The following KCNQ1 variants were observed in gnomAD, a reference collection of about 807,000 sequenced individuals.
The protein encoded by KCNQ1 is potassium voltage-gated channel subfamily Q member 1, also known as potassium voltage-gated channel subfamily KQT member 1.
In KCNQ1, 49 loss-of-function variants were observed where a neutral mutation model predicts 72.4. The ratio of observed to expected loss-of-function variants is 0.68; its 90% CI spans 0.54 to 0.86. The LOEUF (loss-of-function observed/expected upper bound fraction) is 0.86. KCNQ1 is among the 40% of genes least tolerant of loss of function. The pLI is 0.00. For synonymous variants in KCNQ1, 450 were observed against 412.6 expected (o/e 1.09, Z -1.10); for missense variants, 790 against 945.1 (o/e 0.84, Z 2.15).
chr11:2,685,374 G>T, intron 11 of KCNQ1: 1 of 398,686 alleles, frequency 2.5e-6, no homozygotes, highest in Non-Finnish European at 4.4e-6. Context: ...TCTCTGCCTG[G>T]TACATGGGCA....
At position 2,647,463 on chromosome 11, in the gene KCNQ1, G is replaced by T. The variant is rs1849684100; in HGVS notation, c.1394-14498G>T. The T allele has an allele frequency of 2.5e-6, 1 of 398,342 alleles. No homozygotes were observed. 24.7% of individuals were successfully genotyped at this position (398,342 alleles called of 1,614,324 possible). A position where few individuals can be genotyped will look rare whatever the true frequency, so the allele number is the denominator to read the frequency against. Reference sequence around the variant, plus strand: ...AGATTGGCCTGTAGTTTTCTTTTTTGCTGTTATTGTGTCCTTATCTGGTTT... The same window carrying T: ...AGATTGGCCTGTAGTTTTCTTTTTTTCTGTTATTGTGTCCTTATCTGGTTT... On this transcript the variant is annotated intron_variant, in intron 10 of 15. Coordinates refer to ENST00000155840, the MANE Select transcript of KCNQ1 (RefSeq NM_000218.3). This position sits in a 1 kb window ranked among gnomAD's most constrained non-coding sequence, Gnocchi z 4.0.
chr11:2,647,993 C>T lies in KCNQ1; in HGVS notation c.1394-13968C>T, dbSNP rs764962536. The stretch of plus-strand genomic sequence containing the variant: ...CTTTGGAAGGCCAAGGCAGGCCGAT[C>T]GCTTGAGTCCAGGAGTTTGAGACCA... On this transcript the variant is annotated intron_variant, in intron 10 of 15. Coordinates refer to ENST00000155840, the MANE Select transcript of KCNQ1 (RefSeq NM_000218.3). The surrounding 1 kb of genome is among the most constrained non-coding windows in gnomAD (Gnocchi z 4.0). The T allele has an allele frequency of 4.5e-5, 18 of 397,066 alleles. No homozygotes were observed. The highest frequency in any genetic ancestry group is 1.8e-4 in the East Asian group (5 of 28,024). The allele number at this position is 397,066 out of a possible 1,614,324, so 24.6% of individuals were successfully genotyped here.
At position 2,611,785 on chromosome 11, in the gene KCNQ1, C is replaced by A; in HGVS notation, c.1393+22931C>A. 2.5e-6 allele frequency: 1 copy of A among 398,318 alleles called. No homozygotes were observed. Among genetic ancestry groups the A allele is most frequent in the South Asian group, 1.3e-4 (1 of 7,810 alleles). The allele number at this position is 398,318 out of a possible 1,614,324, so 24.7% of individuals were successfully genotyped here. ...CTATATGTCTCATATCACTTTTGTTCCTCTCTTCCTCCTTTACTGCCTTCT... is the reference window on the plus strand; with the variant it reads ...CTATATGTCTCATATCACTTTTGTTACTCTCTTCCTCCTTTACTGCCTTCT... On this transcript the variant is annotated intron_variant, in intron 10 of 15. Coordinates refer to ENST00000155840, the MANE Select transcript of KCNQ1 (RefSeq NM_000218.3). The surrounding 1 kb of genome is among the most constrained non-coding windows in gnomAD (Gnocchi z 5.3).
Position 2,478,112 on chromosome 11 carries a change from G to A in KCNQ1, c.386+32628G>A, listed in dbSNP as rs576271161. On this transcript the variant is annotated intron_variant, in intron 1 of 15. Transcript: ENST00000155840. The surrounding 1 kb of genome is among the most constrained non-coding windows in gnomAD (Gnocchi z 4.0). ...CACCACCCTCCGGATGGACAGCCTCGGTAGCAGAACTCCTGCCAAAGACAC... is the reference window on the plus strand; with the variant it reads ...CACCACCCTCCGGATGGACAGCCTCAGTAGCAGAACTCCTGCCAAAGACAC... 9.2e-5 allele frequency among the ~76,000 whole-genome samples: 14 copies of A among 151,958 alleles called. No individual in the cohort carries two copies. Among genetic ancestry groups the A allele is most frequent in the East Asian group, 5.9e-4 (3 of 5,128 alleles).
chr11:2,731,632 G>A (rs1845860140), intron 11 of KCNQ1, among the ~76,000 whole-genome samples: 1 of 152,248 alleles, frequency 6.6e-6, no homozygotes, highest in Non-Finnish European at 1.5e-5. Context: ...GGGACCCTGT[G>A]GTCATGGAGA....
At position 2,456,363 on chromosome 11, in the gene KCNQ1, T is replaced by C. The variant is rs189910137; in HGVS notation, c.386+10879T>C. Among the ~76,000 whole-genome samples, 9 of 152,018 alleles carry C rather than the reference T, an allele frequency of 5.9e-5. No individual in the cohort carries two copies. In the East Asian group the frequency reaches 1.7e-3, roughly 29 times the overall value. On this transcript the variant is annotated intron_variant, in intron 1 of 15. Transcript: ENST00000155840. The stretch of plus-strand genomic sequence containing the variant: ...ATTAGATTACAAACTGAAAAAATCC[T>C]GGAAGAAAATAGTCTTCTCAATATT...
intron 10 of KCNQ1, chr11:2,618,675 A>G (rs1285827758): frequency 2.5e-6 from 1 of 398,562 alleles, no homozygotes; most frequent in Non-Finnish European, 4.4e-6. Flanking sequence ...TTCGTTGGCT[A>G]CTTAAGGTTC....
At chr11:2,630,898 A>T in intron 10 of KCNQ1, 1 of 398,550 alleles carries the variant, frequency 2.5e-6, no homozygotes, top group East Asian at 3.6e-5. Flanking sequence ...CTTTGAATAT[A>T]TAATCCTATT....
In KCNQ1 at chr11:2,592,871, G is replaced by A. The variant is rs1848688533; in HGVS notation, c.1393+4017G>A. Among the ~76,000 whole-genome samples, 1 of 152,184 alleles carries A rather than the reference G, an allele frequency of 6.6e-6. No homozygotes were observed. Among genetic ancestry groups the A allele is most frequent in the South Asian group, 2.1e-4 (1 of 4,834 alleles). Reference sequence around the variant, plus strand: ...CACATCTGCAGGTCAGAAGAGGCCTGGGCTGGAGCCGCATACTGGCCATGC... The same window carrying A: ...CACATCTGCAGGTCAGAAGAGGCCTAGGCTGGAGCCGCATACTGGCCATGC... On this transcript the variant is annotated intron_variant, in intron 10 of 15. Coordinates refer to ENST00000155840, the MANE Select transcript of KCNQ1 (RefSeq NM_000218.3). This position sits in a 1 kb window ranked among gnomAD's most constrained non-coding sequence, Gnocchi z 5.2.
In KCNQ1 at chr11:2,725,570, G is replaced by T. The variant is rs1161839043; in HGVS notation, c.1515-43274G>T. Among the ~76,000 whole-genome samples, 5 of 152,204 alleles carry T rather than the reference G, an allele frequency of 3.3e-5. No homozygotes were observed. Among genetic ancestry groups the T allele is most frequent in the Non-Finnish European group, 7.3e-5 (5 of 68,032 alleles). On this transcript the variant is annotated intron_variant, in intron 11 of 15. Transcript: ENST00000155840. The surrounding 1 kb of genome is among the most constrained non-coding windows in gnomAD (Gnocchi z 7.2). ...CACGTGAAGTCGCCAAGTTCAAAGG[G>T]CTGCCCCTGGAACCCAAGTCAGACT... is the stretch of plus-strand genomic sequence containing the variant.
intron 1 of KCNQ1, among the ~76,000 whole-genome samples, chr11:2,506,747 T>C (rs187488111): frequency 8.6e-4 from 131 of 152,398 alleles, no homozygotes; most frequent in African/African-American, 3.0e-3. Flanking sequence ...TTTCTACAGT[T>C]GCGCCAGCAG....
rs1407236265 is a variant in KCNQ1 at position 2,679,878 on chromosome 11, C to T, written c.1514+17797C>T. On this transcript the variant is annotated intron_variant, in intron 11 of 15. Coordinates refer to ENST00000155840, the MANE Select transcript of KCNQ1 (RefSeq NM_000218.3). The surrounding 1 kb of genome is among the most constrained non-coding windows in gnomAD (Gnocchi z 4.8). ...TTTTTTCATATAAACTTAGAACTAGCACGCCTAATTTTTTTTTTATTTTTA... is the reference window on the plus strand; with the variant it reads ...TTTTTTCATATAAACTTAGAACTAGTACGCCTAATTTTTTTTTTATTTTTA... 4 of 398,216 alleles carry T rather than the reference C, an allele frequency of 1.0e-5. No homozygotes were observed. The highest frequency in any genetic ancestry group is 1.3e-5 in the Non-Finnish European group (3 of 226,020). The allele number at this position is 398,216 out of a possible 1,614,324, so 24.7% of individuals were successfully genotyped here.
intron 1 of KCNQ1, among the ~76,000 whole-genome samples, chr11:2,460,598 G>A (rs1476018409): frequency 6.6e-6 from 1 of 151,870 alleles, no homozygotes; most frequent in African/African-American, 2.4e-5. Flanking sequence ...TACAGGGACT[G>A]TCAGCCCAGC....
chr11:2,598,526 C>T lies in KCNQ1; in HGVS notation c.1393+9672C>T, dbSNP rs114260607. ...TATAACACAAAGTTTTATTTGTATA[C>T]ATGGACAGACAAAATGTACATTGAG... On this transcript the variant is annotated intron_variant, in intron 10 of 15. Coordinates refer to ENST00000155840, the MANE Select transcript of KCNQ1 (RefSeq NM_000218.3). This position sits in a 1 kb window ranked among gnomAD's most constrained non-coding sequence, Gnocchi z 6.2. 7.6e-3 allele frequency among the ~76,000 whole-genome samples: 1,144 copies of T among 150,356 alleles called. 14 individuals are homozygous for T. The highest frequency in any genetic ancestry group is 0.027 in the African/African-American group (1,086 of 40,382).
chr11:2,636,424 C>G (rs1206234686), intron 10 of KCNQ1: 1 of 152,082 alleles, frequency 6.6e-6, no homozygotes, highest in South Asian at 2.1e-4. Context: ...AAGGCCTTTT[C>G]TGCATCTATT....
Position 2,654,690 on chromosome 11 carries a change from G to A in KCNQ1, c.1394-7271G>A. ...GAGATGGGCTGGAGCTTTGAGCTTT[G>A]TCATAGGCTGGACTTGGGGCTTGAA... On this transcript the variant is annotated intron_variant, in intron 10 of 15. Transcript: ENST00000155840. The surrounding 1 kb of genome is among the most constrained non-coding windows in gnomAD (Gnocchi z 6.4). 5.0e-6 allele frequency: 2 copies of A among 398,902 alleles called. No homozygotes were observed. The highest frequency in any genetic ancestry group is 8.8e-6 in the Non-Finnish European group (2 of 226,304). 24.7% of individuals were successfully genotyped at this position (398,902 alleles called of 1,614,324 possible). A position where few individuals can be genotyped will look rare whatever the true frequency, so the allele number is the denominator to read the frequency against.
intron 1 of KCNQ1, among the ~76,000 whole-genome samples, chr11:2,514,967 C>T (rs771513157): frequency 1.1e-4 from 17 of 152,222 alleles, no homozygotes; most frequent in Non-Finnish European, 2.1e-4. Flanking sequence ...TTCCGCACCT[C>T]GCCCCCTTCC....
chr11:2,775,819 C>T (rs55647309), intron 12 of KCNQ1, 141 bp from the exon 13 acceptor site: 3 of 812,396 alleles, frequency 3.7e-6, no homozygotes, highest in South Asian at 1.5e-5. Flanking sequence ...ACGCTTGGAA[C>T]CAGGCTTATG....
At chr11:2,807,474 C>T (rs751983026) in intron 15 of KCNQ1, among the ~76,000 whole-genome samples, 2 of 152,208 alleles carry the variant, frequency 1.3e-5, no homozygotes, top group Non-Finnish European at 2.9e-5. Flanking sequence ...CCGGGGCCAG[C>T]GCGATGTCAT....
Sources: allele counts gnomAD v4.1 joint callset (sites outside exome capture counted in the v4.1 genomes callset), GRCh38; gene constraint gnomAD v4.1.1; non-coding constraint Gnocchi (gnomAD v3.1); transcripts MANE v1.5; gene names NCBI Gene and HGNC (gene_info 2026-07-23, HGNC 2026-07-21).